The following PGBD2 variants were observed in gnomAD, a reference collection of about 807,000 sequenced individuals.
PGBD2 encodes the protein piggyBac transposable element derived 2, also known as piggyBac transposable element-derived protein 2.
Under a neutral mutation model 8.1 loss-of-function variants are expected in PGBD2, and 6 were observed. The observed-to-expected ratio is 0.74, with a 90% CI of 0.40 to 1.46. The LOEUF (loss-of-function observed/expected upper bound fraction) is 1.46. Ranked by LOEUF, PGBD2 falls within the 40% of genes most tolerant of loss-of-function variation. PGBD2 has a pLI of 0.02. For synonymous variants in PGBD2, 318 were observed against 272.2 expected, an observed-to-expected ratio of 1.17 and a Z score of -1.66; for missense variants, 802 against 739.0, an observed-to-expected ratio of 1.09 and a Z score of -0.99.
chr1:248,904,921 C>T (rs969746469), upstream of PGBD2, among the ~76,000 whole-genome samples: 1 of 152,130 alleles, frequency 6.6e-6, no homozygotes, highest in African/African-American at 2.4e-5. Context: ...GAGGGTTTTT[C>T]TCTTGTGCCT....
chr1:248,916,786 G>A lies in PGBD2; in HGVS notation c.202G>A (p.Ala68Thr). The change falls in exon 3 of 3, where the codon GCT becomes ACT. Residue 68 changes from alanine (A) to threonine (T), a missense_variant. Transcript: ENST00000329291. Reference protein sequence around the residue: ...DSGDEDSQRGAHLPGSVLHAS... With the variant: ...DSGDEDSQRGTHLPGSVLHAS... ...AGGGGATGAAGACAGCCAGCGAGGT[G>A]CTCACCTACCTGGCAGTGTGCTGCA... The A allele has an allele frequency of 6.2e-7, 1 of 1,614,188 alleles. No homozygotes were observed. The highest frequency in any genetic ancestry group is 8.5e-7 in the Non-Finnish European group (1 of 1,180,038).
At chr1:248,899,584 C>T in the PGBD2 span, among the ~76,000 whole-genome samples, 22 of 151,992 alleles carry the variant, frequency 1.4e-4, no homozygotes, top group East Asian at 7.7e-4. Flanking sequence ...TGGAATGCAG[C>T]GAAAGCAGTG....
upstream of PGBD2, among the ~76,000 whole-genome samples, chr1:248,905,594 G>C (rs750774106): frequency 6.6e-6 from 1 of 152,218 alleles, no homozygotes; most frequent in Non-Finnish European, 1.5e-5. Flanking sequence ...AAGGTAGCCA[G>C]ATGAAATACA....
At chr1:248,876,565 A>C in the PGBD2 span, among the ~76,000 whole-genome samples, 1 of 152,220 alleles carries the variant, frequency 6.6e-6, no homozygotes, top group South Asian at 2.1e-4. Context: ...AATATAGGTA[A>C]GTGGAAACTA....
At chr1:248,890,717 C>A in the PGBD2 span, among the ~76,000 whole-genome samples, 4 of 151,010 alleles carry the variant, frequency 2.6e-5, no homozygotes, top group African/African-American at 9.8e-5. Context: ...CACACCCACA[C>A]CCAGCTACGC....
chr1:248,892,074 G>T, the PGBD2 span, among the ~76,000 whole-genome samples: 7 of 152,196 alleles, frequency 4.6e-5, no homozygotes, highest in Non-Finnish European at 1.0e-4. Context: ...AGGCCTGCCT[G>T]GGAAGCACAG....
chr1:248,896,787 G>A, the PGBD2 span, among the ~76,000 whole-genome samples: 1,524 of 152,322 alleles, frequency 0.01, 34 homozygotes, highest in African/African-American at 0.035. Context: ...GACCCATGGA[G>A]AGCAAGGAAA....
intron 2 of PGBD2, among the ~76,000 whole-genome samples, chr1:248,914,907 C>T (rs1365538640): frequency 6.6e-6 from 1 of 152,276 alleles, no homozygotes; most frequent in Non-Finnish European, 1.5e-5. Flanking sequence ...ATCTCCTTGC[C>T]GTTCTGCAGA....
rs1661633433 is a variant in PGBD2, at chr1:248,906,319, G to A, written c.-71G>A. 6.6e-6 allele frequency: 1 copy of A among 152,076 alleles called. No homozygotes were observed. Among genetic ancestry groups the A allele is most frequent in the Admixed American group, 6.5e-5 (1 of 15,276 alleles). 9.4% of individuals were successfully genotyped at this position (152,076 alleles called of 1,614,324 possible). ...GGCTCATGGTCCGGTTCGGGCTCGC[G>A]AGTCTCCGTCTGGGGTAGGGCAGGT... is the stretch of plus-strand genomic sequence containing the variant. On this transcript the variant is annotated 5_prime_UTR_variant, in exon 1 of 3. Coordinates refer to ENST00000329291, the MANE Select transcript of PGBD2 (RefSeq NM_170725.3).
chr1:248,909,863 C>T (rs947426139), intron 1 of PGBD2, among the ~76,000 whole-genome samples: 1 of 152,172 alleles, frequency 6.6e-6, no homozygotes, highest in Non-Finnish European at 1.5e-5. Context: ...TGGTCTGAAC[C>T]TAGAGGCAGA....
chr1:248,873,872 G>C, the PGBD2 span, among the ~76,000 whole-genome samples: 2 of 152,224 alleles, frequency 1.3e-5, no homozygotes, highest in Admixed American at 1.3e-4. Flanking sequence ...TGGCCGAGTG[G>C]TCTAAGGCGC....
chr1:248,903,343 T>C (rs1572267324), upstream of PGBD2, among the ~76,000 whole-genome samples: 2 of 151,464 alleles, frequency 1.3e-5, no homozygotes, highest in African/African-American at 4.9e-5. Flanking sequence ...GGGCTACAGG[T>C]GTGTACCATC....
intron 1 of PGBD2, among the ~76,000 whole-genome samples, chr1:248,906,851 C>G (rs145736055): frequency 6.6e-6 from 1 of 152,034 alleles, no homozygotes; most frequent in South Asian, 2.1e-4. Flanking sequence ...TTCTCTTTTG[C>G]TAGTGAGGTG....
the PGBD2 span, among the ~76,000 whole-genome samples, chr1:248,882,207 G>A: frequency 2.3e-4 from 35 of 152,250 alleles, no homozygotes; most frequent in Non-Finnish European, 4.1e-4. Context: ...AAAAATGCAC[G>A]GGATATACCA....
chr1:248,885,750 C>T, the PGBD2 span, among the ~76,000 whole-genome samples: 1 of 152,188 alleles, frequency 6.6e-6, no homozygotes, highest in African/African-American at 2.4e-5. Context: ...GGACCAGTTC[C>T]CTGGCCATTT....
the PGBD2 span, among the ~76,000 whole-genome samples, chr1:248,928,992 C>T: frequency 2.0e-5 from 3 of 152,182 alleles, no homozygotes; most frequent in African/African-American, 7.2e-5. Flanking sequence ...CTTCAAAAAC[C>T]AAACCTGTTT....
downstream of PGBD2, chr1:248,919,913 C>T (rs996172552): frequency 6.5e-6 from 1 of 153,754 alleles, no homozygotes; most frequent in Non-Finnish European, 1.5e-5. Context: ...GTTGCCTTGT[C>T]ACCCAGGCTG....
chr1:248,924,465 GC>G (rs1293940425), downstream of PGBD2, among the ~76,000 whole-genome samples: 2 of 152,026 alleles, frequency 1.3e-5, no homozygotes, highest in African/African-American at 4.8e-5. Context: ...GAAATACCTT[GC>G]TCTTAAGTCT....
At position 248,918,272 on chromosome 1, in the gene PGBD2, G is replaced by C. The variant is rs908686305; in HGVS notation, c.1688G>C (p.Cys563Ser). The C allele has an allele frequency of 1.2e-6, 2 of 1,610,318 alleles. No homozygotes were observed. Among genetic ancestry groups the C allele is most frequent in the African/African-American group, 2.7e-5 (2 of 74,902 alleles). Reference protein sequence around the residue: ...WIIHQDKRTRCALCHSQTNTR... With the variant: ...WIIHQDKRTRSALCHSQTNTR... Reference sequence around the variant, plus strand: ...ATCCATCAGGACAAGAGGACCCGGTGTGCCCTCTGCCACTCACAGACCAAC... The same window carrying C: ...ATCCATCAGGACAAGAGGACCCGGTCTGCCCTCTGCCACTCACAGACCAAC... Residue 563 changes from cysteine to serine, a missense_variant, in exon 3 of 3, where the codon TGT becomes TCT. Cys to Ser is a moderately radical substitution (Grantham distance 112, BLOSUM62 -1). Transcript: ENST00000329291.
Sources: gnomAD v4.1 joint callset for allele counts (sites outside exome capture counted in the v4.1 genomes callset) on GRCh38, gnomAD v4.1.1 for gene constraint, MANE v1.5 for transcripts, NCBI Gene and HGNC (gene_info 2026-07-23, HGNC 2026-07-21) for gene names.